The following AGL variants were observed in gnomAD, a reference collection of about 807,000 sequenced individuals.
The protein encoded by AGL is amylo-alpha-1,6-glucosidase and 4-alpha-glucanotransferase, also known as glycogen debranching enzyme.
Under a neutral mutation model 199.3 loss-of-function variants are expected in AGL, and 128 were observed. The ratio of observed to expected loss-of-function variants is 0.64; its 90% CI spans 0.56 to 0.74. The LOEUF is 0.74. AGL is among the 30% of genes least tolerant of loss of function. AGL has a pLI of 0.00. For synonymous variants in AGL, 584 were observed against 594.7 expected, an observed-to-expected ratio of 0.98 and a Z score of 0.26; for missense variants, 1,809 against 1,820.8, an observed-to-expected ratio of 0.99 and a Z score of 0.12.
intron 25 of AGL, among the ~76,000 whole-genome samples, chr1:99,899,675 C>T (rs1359225832): frequency 1.3e-5 from 2 of 151,222 alleles, no homozygotes; most frequent in Admixed American, 1.3e-4. Context: ...GGCTGGAGTG[C>T]CGTGGCGCAA....
chr1:99,893,566 C>A (rs904999691), intron 24 of AGL, among the ~76,000 whole-genome samples: 3 of 152,036 alleles, frequency 2.0e-5, no homozygotes, highest in African/African-American at 7.3e-5. Flanking sequence ...TTTTTAGAAC[C>A]CATTACAAAA....
In AGL at chr1:99,875,472, T is replaced by G; in HGVS notation, c.1283+17T>G. 1 of 1,606,082 alleles carries G rather than the reference T, an allele frequency of 6.2e-7. No individual in the cohort carries two copies. Among genetic ancestry groups the G allele is most frequent in the Non-Finnish European group, 8.5e-7 (1 of 1,172,756 alleles). ...AGTTACCAGGTGTTGCATTTTTGTT[T>G]TTTTTCTTATTGATGGTTGAAAACT... is the stretch of plus-strand genomic sequence containing the variant. On this transcript the variant is annotated intron_variant, in intron 10 of 33. Coordinates refer to ENST00000361915, the MANE Select transcript of AGL (RefSeq NM_000642.3).
chr1:99,902,806 T>C lies in AGL; in HGVS notation c.3700+12T>C. 1.3e-6 allele frequency: 2 copies of C among 1,581,806 alleles called. No individual in the cohort carries two copies. The highest frequency in any genetic ancestry group is 4.5e-5 in the East Asian group (2 of 44,672). On this transcript the variant is annotated intron_variant, in intron 27 of 33. Transcript: ENST00000361915. The stretch of plus-strand genomic sequence containing the variant: ...CATGAAGGACGAAGGTACAGAACTT[T>C]AACTAAAATAGTACAAATTTATCAA...
chr1:99,852,214 G>C (rs528442865), intron 2 of AGL, among the ~76,000 whole-genome samples: 1 of 152,192 alleles, frequency 6.6e-6, no homozygotes, highest in South Asian at 2.1e-4. Context: ...ACTACTTTTG[G>C]AGGAAAAGCC....
intron 22 of AGL, 59 bp downstream of exon 22, chr1:99,891,415 TG>T: frequency 6.4e-7 from 1 of 1,566,582 alleles, no homozygotes; most frequent in Admixed American, 1.7e-5. Context: ...AATATTACCA[TG>T]TTATATATAA....
intron 2 of AGL, among the ~76,000 whole-genome samples, 186 bp downstream of exon 2, chr1:99,851,310 A>G (rs563597398): frequency 6.6e-6 from 1 of 152,314 alleles, no homozygotes; most frequent in South Asian, 2.1e-4. Context: ...AATTAAAAAT[A>G]TTTTATATCC....
chr1:99,870,620 AAAT>A, intron 6 of AGL, 39 bp downstream of exon 6: 1 of 1,606,596 alleles, frequency 6.2e-7, no homozygotes, highest in Non-Finnish European at 8.5e-7. Flanking sequence ...AAAACAGAAA[AAAT>A]TTCTAAAGCA....
chr1:99,915,873 A>G (rs1222343042), intron 31 of AGL, among the ~76,000 whole-genome samples: 1 of 152,168 alleles, frequency 6.6e-6, no homozygotes, highest in East Asian at 1.9e-4. Flanking sequence ...TGGAGTATAG[A>G]TAACTGTGTT....
At chr1:99,872,421 A>G (rs1325614906) in intron 7 of AGL, among the ~76,000 whole-genome samples, 1 of 152,194 alleles carries the variant, frequency 6.6e-6, no homozygotes, top group African/African-American at 2.4e-5. Context: ...AATATAATAA[A>G]TTTATTTTCA....
At chr1:99,875,573 A>G (rs1651453363) in intron 10 of AGL, 118 bp downstream of exon 10, 3 of 911,540 alleles carry the variant, frequency 3.3e-6, no homozygotes, top group South Asian at 1.5e-5. Flanking sequence ...TCTTAAATTG[A>G]AATAGAAGTT....
chr1:99,862,824 C>T (rs530196900), intron 4 of AGL, among the ~76,000 whole-genome samples: 7 of 152,124 alleles, frequency 4.6e-5, no homozygotes, highest in South Asian at 2.1e-4. Flanking sequence ...CCTCCAACAT[C>T]GGGGATTACA....
chr1:99,906,883 A>G (rs1321158065), intron 27 of AGL, among the ~76,000 whole-genome samples: 1 of 152,186 alleles, frequency 6.6e-6, no homozygotes, highest in Non-Finnish European at 1.5e-5. Flanking sequence ...TTATGTATAT[A>G]TACCCAAAGT....
chr1:99,898,635 C>G (rs963849161), intron 25 of AGL, among the ~76,000 whole-genome samples: 11 of 152,066 alleles, frequency 7.2e-5, no homozygotes, highest in African/African-American at 2.7e-4. Flanking sequence ...GCTCAGTAAG[C>G]AGCCTTCTAT....
In AGL at chr1:99,862,315, G is replaced by A; in HGVS notation, c.352G>A (p.Asp118Asn). The change falls in exon 4 of 34, where the codon GAT becomes AAT. Residue 118 changes from aspartate (D) to asparagine (N), a missense_variant. Transcript: ENST00000361915. ...GGACCCCATTTTACGTGTTGGTGCT[G>A]ATAATCATGTGCTACCCTTGGACTG... ...VVDPILRVGA[D>N]NHVLPLDCVT... 2 of 1,614,056 alleles carry A rather than the reference G, an allele frequency of 1.2e-6. No individual in the cohort carries two copies. The highest frequency in any genetic ancestry group is 1.7e-6 in the Non-Finnish European group (2 of 1,179,994).
At position 99,854,517 on chromosome 1, in the gene AGL, C is replaced by G. The variant is rs890676669; in HGVS notation, c.82+3393C>G. Among the ~76,000 whole-genome samples, 14 of 152,194 alleles carry G rather than the reference C, an allele frequency of 9.2e-5. No individual in the cohort carries two copies. The East Asian group carries it at 2.3e-3, about 25-fold the overall frequency. On this transcript the variant is annotated intron_variant, in intron 2 of 33. Transcript: ENST00000361915. ...GTGGCTCACGCCTGTAATCCTAGCA[C>G]TTTGGGAGGCCGAGGCGGGCGGATC...
intron 21 of AGL, among the ~76,000 whole-genome samples, chr1:99,890,398 T>TTTTTTTTTTTTTTTTTTTTTTTTTTTGAG (rs1652785170): frequency 2.6e-5 from 4 of 151,970 alleles, no homozygotes; most frequent in Non-Finnish European, 5.9e-5. Context: ...CTTTATGTTT[T>TTTTTTTTTTTTTTTTTTTTTTTTTTTGAG]AAGCTTTCTT....
intron 4 of AGL, among the ~76,000 whole-genome samples, chr1:99,863,315 GAACTCCAT>G (rs1349370078): frequency 1.3e-5 from 2 of 151,948 alleles, no homozygotes; most frequent in African/African-American, 2.4e-5. Flanking sequence ...AGAAATGAAG[GAACTCCAT>G]AATGAAACAC....
chr1:99,910,380 TAC>T (rs2100847844), intron 27 of AGL, among the ~76,000 whole-genome samples: 1 of 152,296 alleles, frequency 6.6e-6, no homozygotes, highest in East Asian at 1.9e-4. Context: ...ATGAATAAAC[TAC>T]AGTGTTTATC....
At chr1:99,892,401 C>A in intron 23 of AGL, 31 bp from the exon 24 acceptor site, 1 of 1,595,414 alleles carries the variant, frequency 6.3e-7, no homozygotes, top group Non-Finnish European at 8.6e-7. Flanking sequence ...TGTATTTCTA[C>A]AAGTAATAAA....
Sources: gnomAD v4.1 joint callset for allele counts (sites outside exome capture counted in the v4.1 genomes callset) on GRCh38, gnomAD v4.1.1 for gene constraint, MANE v1.5 for transcripts, NCBI Gene and HGNC (gene_info 2026-07-23, HGNC 2026-07-21) for gene names.